Variants in APMAP observed in about 807,000 individuals in gnomAD.
The protein encoded by APMAP is adipocyte plasma membrane associated protein.
A neutral mutation model predicts 43.6 loss-of-function variants in APMAP; 33 were observed. That is an observed-to-expected ratio of 0.76 (90% CI 0.57 to 1.01). APMAP has a LOEUF of 1.01. APMAP is among the 50% of genes least tolerant of loss of function. The pLI is 0.00. For synonymous variants in APMAP, 224 were observed against 216.7 expected (o/e 1.03, Z -0.30); for missense variants, 498 against 540.7 (o/e 0.92, Z 0.78).
rs1415951843 is a variant in APMAP, at chr20:24,963,143, T to C, written c.*670A>G. ...CGGACCCCTGCAGTAGGTCCCGAAT[T>C]GCAGAATCATCCAATTCCAGCATGG... On this transcript the variant is annotated 3_prime_UTR_variant, in exon 9 of 9. Transcript: ENST00000217456. The C allele has an allele frequency of 6.6e-6, 1 of 152,420 alleles. No homozygotes were observed. The highest frequency in any genetic ancestry group is 1.9e-4 in the East Asian group (1 of 5,198). 9.4% of individuals were successfully genotyped at this position (152,420 alleles called of 1,614,324 possible). A position where few individuals can be genotyped will look rare whatever the true frequency, so the allele number is the denominator to read the frequency against.
intron 1 of APMAP, among the ~76,000 whole-genome samples, chr20:24,987,000 T>C (rs2088153216): frequency 1.3e-5 from 2 of 152,240 alleles, no homozygotes; most frequent in African/African-American, 2.4e-5. Context: ...CTTTCATGAC[T>C]AGCTTCTTTC....
intron 8 of APMAP, 82 bp from the exon 9 acceptor site, chr20:24,964,104 C>T: frequency 7.1e-7 from 1 of 1,410,040 alleles, no homozygotes; most frequent in Admixed American, 1.8e-5. Flanking sequence ...CCCCCACCAT[C>T]CAGGAACGGT....
chr20:24,964,326 C>A, intron 8 of APMAP: 1 of 562,240 alleles, frequency 1.8e-6, no homozygotes, highest in Non-Finnish European at 3.5e-6. Flanking sequence ...ATATCACATC[C>A]GACGTGGTCA....
chr20:24,990,759 G>C (rs4815357), intron 1 of APMAP, among the ~76,000 whole-genome samples: 74,036 of 152,018 alleles, frequency 0.49, 19,397 homozygotes, highest in East Asian at 0.92. Context: ...AAAAATATAG[G>C]AGAAATGCAG....
Position 24,969,554 on chromosome 20 carries a change from C to A in APMAP, c.820G>T (p.Ala274Ser). 1 of 1,613,522 alleles carries A rather than the reference C, an allele frequency of 6.2e-7. No homozygotes were observed. The highest frequency in any genetic ancestry group is 8.5e-7 in the Non-Finnish European group (1 of 1,179,554). The change falls in exon 7 of 9, where the codon GCA becomes TCA. Residue 274 changes from alanine (A) to serine (S), a missense_variant. Coordinates refer to ENST00000217456, the MANE Select transcript of APMAP (RefSeq NM_020531.3). ...LSPAEDFVLVAETTMARIRRV... is the reference protein window; with the variant it reads ...LSPAEDFVLVSETTMARIRRV... ...CGTATCCTGGCCATGGTTGTTTCTG[C>A]CACCAGGACAAAGTCTTCTGCAGGA... is the stretch of plus-strand genomic sequence containing the variant.
At chr20:24,974,403 G>C (rs1029524582) in intron 3 of APMAP, 1 of 152,010 alleles carries the variant, frequency 6.6e-6, no homozygotes, top group African/African-American at 2.4e-5. Flanking sequence ...AACTACAAAA[G>C]ACAAAAAGAG....
At chr20:24,982,408 T>C (rs903888826) in intron 2 of APMAP, among the ~76,000 whole-genome samples, 3 of 152,202 alleles carry the variant, frequency 2.0e-5, no homozygotes, top group African/African-American at 7.2e-5. Flanking sequence ...CTTCTCTTCC[T>C]TTCCTTCCTC....
At chr20:24,976,269 G>C (rs2088049592) in intron 3 of APMAP, among the ~76,000 whole-genome samples, 1 of 152,084 alleles carries the variant, frequency 6.6e-6, no homozygotes, top group South Asian at 2.1e-4. Context: ...GCCACAGACT[G>C]GAGAAAATAT....
chr20:24,981,042 C>T (rs531004639), intron 2 of APMAP, among the ~76,000 whole-genome samples: 2 of 152,334 alleles, frequency 1.3e-5, no homozygotes, highest in East Asian at 3.8e-4. Flanking sequence ...AATCAGAGAA[C>T]AGGCAGACCA....
chr20:24,983,111 A>G (rs1418259006), intron 2 of APMAP, among the ~76,000 whole-genome samples: 1 of 152,256 alleles, frequency 6.6e-6, no homozygotes, highest in Non-Finnish European at 1.5e-5. Context: ...CGTGTCCTCT[A>G]CATTCTTAGT....
Position 24,992,672 on chromosome 20 carries a change from C to G in APMAP, c.17G>C (p.Gly6Ala). Residue 6 changes from glycine to alanine, a missense_variant, in exon 1 of 9, where the codon GGG (glycine) becomes GCG (alanine). Gly to Ala is a moderately conservative substitution (Grantham distance 60). Coordinates refer to ENST00000217456, the MANE Select transcript of APMAP (RefSeq NM_020531.3). ...CCGCAGGGGCCGGCGCTGTCGCAGC[C>G]CGTCCGCCTCGCTCATGGTACGGGC... MSEADGLRQRRPLRPQ... is the reference protein window; with the variant it reads MSEADALRQRRPLRPQ... 6.5e-7 allele frequency: 1 copy of G among 1,538,962 alleles called. No homozygotes were observed. The highest frequency in any genetic ancestry group is 8.7e-7 in the Non-Finnish European group (1 of 1,144,128).
At position 24,963,551 on chromosome 20, in the gene APMAP, T is replaced by G. The variant is rs2087915482; in HGVS notation, c.*262A>C. 2 of 496,036 alleles carry G rather than the reference T, an allele frequency of 4.0e-6. No homozygotes were observed. The highest frequency in any genetic ancestry group is 4.8e-5 in the South Asian group (2 of 41,438). 30.7% of individuals were successfully genotyped at this position (496,036 alleles called of 1,614,324 possible). A position where few individuals can be genotyped will look rare whatever the true frequency, so the allele number is the denominator to read the frequency against. ...ATGACTGTACTTAGAAAGTTTTGTT[T>G]TGTTTAAGAGAAAATGGCTTTACAT... On this transcript the variant is annotated 3_prime_UTR_variant, in exon 9 of 9. Coordinates refer to ENST00000217456, the MANE Select transcript of APMAP (RefSeq NM_020531.3).
chr20:24,977,770 A>AT (rs1422788234), intron 3 of APMAP, among the ~76,000 whole-genome samples: 1 of 152,166 alleles, frequency 6.6e-6, no homozygotes, highest in African/African-American at 2.4e-5. Flanking sequence ...GCAAGATTTG[A>AT]TTTTTCACCA....
rs190330792 is a variant in APMAP at position 24,979,984 on chromosome 20, C to T, written c.213-1102G>A. ...CCAACTAAATATCCGATACCTCCCC[C>T]GAACCCAGGCCCCTGCCCTACTCCA... is the stretch of plus-strand genomic sequence containing the variant. On this transcript the variant is annotated intron_variant, in intron 2 of 8. Transcript: ENST00000217456. 7.2e-5 allele frequency among the ~76,000 whole-genome samples: 11 copies of T among 152,296 alleles called. No individual in the cohort carries two copies. The East Asian group carries it at 9.6e-4, about 13-fold the overall frequency.
chr20:24,968,215 T>G (rs4815351), intron 8 of APMAP, among the ~76,000 whole-genome samples: 2 of 151,896 alleles, frequency 1.3e-5, no homozygotes. Flanking sequence ...TGGAAGCCAC[T>G]GGGAAAATGG....
intron 6 of APMAP, among the ~76,000 whole-genome samples, 198 bp downstream of exon 6, chr20:24,969,999 T>C (rs2087984991): frequency 6.6e-6 from 1 of 152,188 alleles, no homozygotes; most frequent in Non-Finnish European, 1.5e-5. Flanking sequence ...CTGTTTTATT[T>C]CCTCAGAGAA....
chr20:24,980,273 G>A (rs1324638511), intron 2 of APMAP, among the ~76,000 whole-genome samples: 1 of 152,234 alleles, frequency 6.6e-6, no homozygotes, highest in Non-Finnish European at 1.5e-5. Context: ...GAGAATTCAA[G>A]AACAGGAAGG....
chr20:24,975,959 G>A (rs1249351866), intron 3 of APMAP, among the ~76,000 whole-genome samples: 1 of 152,136 alleles, frequency 6.6e-6, no homozygotes, highest in Non-Finnish European at 1.5e-5. Context: ...AAATGGTGCT[G>A]GAACAAATTT....
In APMAP at chr20:24,969,378, A is replaced by C. The variant is rs1263025962; in HGVS notation, c.848+148T>G. On this transcript the variant is annotated intron_variant, in intron 7 of 8. Coordinates refer to ENST00000217456, the MANE Select transcript of APMAP (RefSeq NM_020531.3). ...GACTGCGACTCGCAATGGGAGAAAGAAAGCGCACCCTTGAATTTTCTTTAA... is the reference window on the plus strand; with the variant it reads ...GACTGCGACTCGCAATGGGAGAAAGCAAGCGCACCCTTGAATTTTCTTTAA... 16 of 1,328,038 alleles carry C rather than the reference A, an allele frequency of 1.2e-5. No homozygotes were observed. The East Asian group carries it at 3.3e-4, about 27-fold the overall frequency. The allele number at this position is 1,328,038 out of a possible 1,614,324, so 82.3% of individuals were successfully genotyped here.
Sources: gnomAD v4.1 joint callset for allele counts (sites outside exome capture counted in the v4.1 genomes callset) on GRCh38, gnomAD v4.1.1 for gene constraint, MANE v1.5 for transcripts, NCBI Gene and HGNC (gene_info 2026-07-23, HGNC 2026-07-21) for gene names.